OPTC: variants seen among roughly 807,000 people sequenced by gnomAD.
OPTC encodes the protein opticin, also known as oculoglycan.
In OPTC, 22 loss-of-function variants were observed where a neutral mutation model predicts 25.4. The observed-to-expected ratio is 0.87, with a 90% CI of 0.62 to 1.24. The LOEUF is 1.24. Among genes scored for constraint, OPTC ranks in the 50% most tolerant of loss-of-function variants. The pLI, the probability that OPTC is intolerant of heterozygous loss-of-function variation, is 0.00. For missense variants in OPTC, 417 were observed against 425.2 expected (o/e 0.98, Z 0.17); for synonymous variants, 169 against 179.3 (o/e 0.94, Z 0.46).
chr1:203,503,080 C>T (rs1364864018), intron 6 of OPTC, 71 bp downstream of exon 6: 12 of 1,245,310 alleles, frequency 9.6e-6, no homozygotes, highest in African/African-American at 5.9e-5. Context: ...AGGAGCAGGT[C>T]GTGGCAGAGA....
At chr1:203,506,444 C>A (rs1024347935) in intron 7 of OPTC, among the ~76,000 whole-genome samples, 5 of 151,438 alleles carry the variant, frequency 3.3e-5, no homozygotes, top group African/African-American at 1.2e-4. Context: ...AGCCACCACT[C>A]CTGGCCGAGG....
intron 3 of OPTC, among the ~76,000 whole-genome samples, chr1:203,497,700 G>C (rs923628797): frequency 6.6e-6 from 1 of 152,144 alleles, no homozygotes; most frequent in Non-Finnish European, 1.5e-5. Flanking sequence ...CGGTTTCCCT[G>C]TTCTCTTCTC....
chr1:203,502,131 C>T (rs994500123), intron 5 of OPTC, among the ~76,000 whole-genome samples: 4 of 152,174 alleles, frequency 2.6e-5, no homozygotes, highest in Non-Finnish European at 5.9e-5. Context: ...GGGTTAGATA[C>T]GCATAGTAGA....
In OPTC at chr1:203,499,679, A is replaced by C. The variant is rs1258447129; in HGVS notation, c.560A>C (p.Asn187Thr). Reference sequence around the variant, plus strand: ...TTGAAGAGGATTGACCTCTCCAACAACCTCATTTCCTCCATCGATAATGAT... The same window carrying C: ...TTGAAGAGGATTGACCTCTCCAACACCCTCATTTCCTCCATCGATAATGAT... Reference protein sequence around the residue: ...TKLKRIDLSNNLISSIDNDAF... With the variant: ...TKLKRIDLSNTLISSIDNDAF... The change falls in exon 5 of 8, where the codon AAC becomes ACC. Residue 187 changes from asparagine to threonine, a missense_variant. By Grantham distance (65) the Asn-to-Thr change is moderately conservative. Coordinates refer to ENST00000367222, the MANE Select transcript of OPTC (RefSeq NM_014359.4). 1 of 1,613,470 alleles carries C rather than the reference A, an allele frequency of 6.2e-7. No individual in the cohort carries two copies. The highest frequency in any genetic ancestry group is 8.5e-7 in the Non-Finnish European group (1 of 1,179,888).
chr1:203,496,522 TAAAAGTGCCAC>T (rs1012965438), intron 2 of OPTC, among the ~76,000 whole-genome samples: 1 of 152,150 alleles, frequency 6.6e-6, no homozygotes, highest in Non-Finnish European at 1.5e-5. Context: ...CTCTAGGAAA[TAAAAGTGCCAC>T]ATCCCCCATC....
intron 5 of OPTC, among the ~76,000 whole-genome samples, chr1:203,500,392 ACCT>A (rs1221557754): frequency 2.1e-4 from 18 of 86,586 alleles, no homozygotes; most frequent in African/African-American, 8.6e-4. Flanking sequence ...CTGCACCTCC[ACCT>A]CCACCACCAT....
At chr1:203,494,934 G>A (rs1253204700) in intron 1 of OPTC, among the ~76,000 whole-genome samples, 1 of 152,122 alleles carries the variant, frequency 6.6e-6, no homozygotes, top group African/African-American at 2.4e-5. Flanking sequence ...AGGTATCTAA[G>A]GAAATTTCCA....
rs114392920 is a variant in OPTC at position 203,497,033 on chromosome 1, G to A, written c.288G>A (p.Thr96=). 1.8e-4 allele frequency: 291 copies of A among 1,614,030 alleles called. 1 individual carries two copies. Among genetic ancestry groups the A allele is most frequent in the Admixed American group, 1.0e-3 (61 of 60,008 alleles). The part of the protein sequence containing the change: ...ATSISPAKST[T]APGTPSSNPT... Reference sequence around the variant, plus strand: ...GCATCAGTCCCGCCAAGAGCACTACGGCTCCAGGGACACCCTCGTCAAACC... The same window carrying A: ...GCATCAGTCCCGCCAAGAGCACTACAGCTCCAGGGACACCCTCGTCAAACC... The change falls in exon 3 of 8, where the codon ACG becomes ACA. Residue 96 remains threonine (T), a synonymous_variant. Transcript: ENST00000367222.
intron 1 of OPTC, among the ~76,000 whole-genome samples, chr1:203,495,272 A>G (rs1188136296): frequency 1.3e-5 from 2 of 152,224 alleles, no homozygotes; most frequent in Non-Finnish European, 2.9e-5. Context: ...TAATTCCAGC[A>G]CTTTGGGAAG....
chr1:203,504,500 T>A (rs1200426149), intron 7 of OPTC, among the ~76,000 whole-genome samples: 1 of 152,204 alleles, frequency 6.6e-6, no homozygotes, highest in Non-Finnish European at 1.5e-5. Context: ...TTTCCTTTTT[T>A]GAGAGCTGAC....
intron 1 of OPTC, among the ~76,000 whole-genome samples, chr1:203,494,681 A>C (rs1214288548): frequency 6.6e-6 from 1 of 152,184 alleles, no homozygotes; most frequent in Non-Finnish European, 1.5e-5. Flanking sequence ...TAAAAGATAA[A>C]AAAAATTTTA....
chr1:203,502,831 C>T (rs1661411691), intron 5 of OPTC, 83 bp from the exon 6 acceptor site: 1 of 1,056,916 alleles, frequency 9.5e-7, no homozygotes, highest in African/African-American at 1.6e-5. Flanking sequence ...AATGGGGCCA[C>T]CTGTCTCTGG....
In OPTC at chr1:203,499,128, C is replaced by T. The variant is rs55750972; in HGVS notation, c.529+289C>T. Among the ~76,000 whole-genome samples, 1,610 of 152,334 alleles carry T rather than the reference C, an allele frequency of 0.011. 18 individuals are homozygous for T. Among genetic ancestry groups the T allele is most frequent in the Middle Eastern group, 0.048 (14 of 294 alleles). On this transcript the variant is annotated intron_variant, in intron 4 of 7. Transcript: ENST00000367222. ...CTTCAGGATGTCCCAGCAGTGACAG[C>T]TGTGTGATCAGCTGGCCTCTGGGCA...
In OPTC at chr1:203,503,004, CTG is replaced by C; in HGVS notation, c.824_825del (p.Leu275ProfsTer3). On this transcript the variant is annotated frameshift_variant, in exon 6 of 8. Transcript: ENST00000367222. LOFTEE classifies it high-confidence loss of function. ...PLPLSLRSVH[L>X]QNNLIETMQR... ...GCCCCTGAGCCTGCGCTCTGTACAC[CTG>C]CAGGTAAGGAGCACCACCCAGAGCA... 6 of 1,612,652 alleles carry C rather than the reference CTG, an allele frequency of 3.7e-6. No homozygotes were observed. Among genetic ancestry groups the C allele is most frequent in the Non-Finnish European group, 5.1e-6 (6 of 1,179,062 alleles).
Position 203,503,699 on chromosome 1 carries a change from C to A in OPTC, c.978C>A (p.Leu326=). The change falls in exon 7 of 8, where the codon CTC becomes CTA. Residue 326 remains leucine (L), a synonymous_variant. Transcript: ENST00000367222. ...GCGCCTACTTCTGCCTGCCTCGGCT[C>A]CCCATCGGCCGCTTCACGTAGCTCG... ...FPSAYFCLPR[L]PIGRFT 6.2e-7 allele frequency: 1 copy of A among 1,608,936 alleles called. No homozygotes were observed. The highest frequency in any genetic ancestry group is 1.3e-5 in the African/African-American group (1 of 75,048).
intron 4 of OPTC, among the ~76,000 whole-genome samples, chr1:203,499,331 C>T (rs561559369): frequency 6.6e-6 from 1 of 152,072 alleles, no homozygotes; most frequent in East Asian, 1.9e-4. Context: ...TTTAGACTCA[C>T]AAGTGGAGGT....
intron 3 of OPTC, 73 bp from the exon 4 acceptor site, chr1:203,498,608 C>T (rs1018205976): frequency 6.3e-7 from 1 of 1,583,054 alleles, no homozygotes; most frequent in Non-Finnish European, 8.7e-7. Context: ...GGTTCAGACA[C>T]TCCCTGGGGC....
At chr1:203,498,637 A>G (rs767451683) in intron 3 of OPTC, 44 bp from the exon 4 acceptor site, 98 of 1,612,912 alleles carry the variant, frequency 6.1e-5, no homozygotes, top group Non-Finnish European at 7.7e-5. Context: ...TTGGCCCCAG[A>G]GGCTAAAGAG....
At chr1:203,504,787 G>A (rs11526476) in intron 7 of OPTC, among the ~76,000 whole-genome samples, 23,392 of 152,178 alleles carry the variant, frequency 0.15, 1,942 homozygotes, top group East Asian at 0.32. Flanking sequence ...GGTTGGCTCA[G>A]CCAGCTGGGC....
Sources: allele counts gnomAD v4.1 joint callset (sites outside exome capture counted in the v4.1 genomes callset), GRCh38; gene constraint gnomAD v4.1.1; transcripts MANE v1.5; gene names NCBI Gene and HGNC (gene_info 2026-07-23, HGNC 2026-07-21).